COL20A1: variants seen among roughly 807,000 people sequenced by gnomAD.
COL20A1 encodes the protein collagen alpha-1(XX) chain.
Under a neutral mutation model 152.9 loss-of-function variants are expected in COL20A1, and 164 were observed. That is an observed-to-expected ratio of 1.07 (90% confidence interval 0.94 to 1.22). The LOEUF (loss-of-function observed/expected upper bound fraction) is 1.22, where lower values mean the gene tolerates loss of function less well. COL20A1 is among the 50% of genes most tolerant of loss of function. The pLI, the probability that COL20A1 is intolerant of heterozygous loss-of-function variation, is 0.00. For synonymous variants in COL20A1, 864 were observed against 756.0 expected (o/e 1.14, Z -2.34); for missense variants, 1,873 against 1,744.8 (o/e 1.07, Z -1.31).
intron 30 of COL20A1, 55 bp from the exon 31 acceptor site, chr20:63,326,697 T>C: frequency 1.6e-6 from 2 of 1,237,026 alleles, no homozygotes. Flanking sequence ...AGGGCTGAAG[T>C]GGGAGCAGAT....
Position 63,313,008 on chromosome 20 carries a change from C to T in COL20A1, c.2076+74C>T. Reference sequence around the variant, plus strand: ...AGTCCTGAAGCCAAAGTCTAGGGCTCAGAGCCATATGTGCGCCCACCCTGT... The same window carrying T: ...AGTCCTGAAGCCAAAGTCTAGGGCTTAGAGCCATATGTGCGCCCACCCTGT... On this transcript the variant is annotated intron_variant, in intron 16 of 35. Coordinates refer to ENST00000358894, the MANE Select transcript of COL20A1 (RefSeq NM_020882.4). This position sits in a 1 kb window ranked among gnomAD's most constrained non-coding sequence, Gnocchi z 5.9. 1 of 1,537,954 alleles carries T rather than the reference C, an allele frequency of 6.5e-7. No homozygotes were observed. The highest frequency in any genetic ancestry group is 8.8e-7 in the Non-Finnish European group (1 of 1,137,748).
At position 63,319,113 on chromosome 20, in the gene COL20A1, C is replaced by T. The variant is rs780305895; in HGVS notation, c.2719C>T (p.Leu907=). The T allele has an allele frequency of 2.5e-6, 4 of 1,613,244 alleles. No homozygotes were observed. The Admixed American group carries it at 5.0e-5, about 20-fold the overall frequency. The change falls in exon 22 of 36, where the codon CTA becomes TTA. Residue 907 remains leucine, a synonymous_variant. Coordinates refer to ENST00000358894, the MANE Select transcript of COL20A1 (RefSeq NM_020882.4). The surrounding 1 kb of genome is among the most constrained non-coding windows in gnomAD (Gnocchi z 4.4). ...PEHTIVFLVR[L]LPETPREAFA... Reference sequence around the variant, plus strand: ...GCACACCATCGTCTTCCTTGTGCGCCTACTTCCCGAGACACCCCGTGAGGC... The same window carrying T: ...GCACACCATCGTCTTCCTTGTGCGCTTACTTCCCGAGACACCCCGTGAGGC...
chr20:63,297,527 G>A lies in COL20A1; in HGVS notation c.83-383G>A, dbSNP rs189846022. Among the ~76,000 whole-genome samples the A allele has an allele frequency of 7.7e-3, 1,178 of 152,284 alleles. 9 individuals carry two copies. The highest frequency in any genetic ancestry group is 0.013 in the Non-Finnish European group (866 of 67,994). On this transcript the variant is annotated intron_variant, in intron 2 of 35. Transcript: ENST00000358894. ...GGTTGCCAGCTGCTGTGTTGGCTCG[G>A]GGCCTCCGATCATCAGTGGGGTGGT...
At chr20:63,312,330 C>A in intron 14 of COL20A1, 90 bp from the exon 15 acceptor site, 1 of 1,382,574 alleles carries the variant, frequency 7.2e-7, no homozygotes, top group Non-Finnish European at 9.5e-7. Context: ...TGGGGTAGTC[C>A]TGGCTGCAGG....
Position 63,312,528 on chromosome 20 carries a change from C to A in COL20A1, c.1912C>A (p.Leu638Met), listed in dbSNP as rs2068022974. 6.3e-7 allele frequency: 1 copy of A among 1,597,790 alleles called. No homozygotes were observed. Among genetic ancestry groups the A allele is most frequent in the Non-Finnish European group, 8.5e-7 (1 of 1,174,608 alleles). Residue 638 changes from leucine (L) to methionine (M), a missense_variant, in exon 15 of 36, where the codon CTG (leucine) becomes ATG (methionine). Leu to Met is a conservative substitution (Grantham distance 15). Coordinates refer to ENST00000358894, the MANE Select transcript of COL20A1 (RefSeq NM_020882.4). ...CTACCCTGGGGGTGGCTCCTCTACG[C>A]TGACTGGCCGGGTGACCACCAGTGA... ...CLYPGGGSST[L>M]TGRVTTKKAP...
Position 63,319,338 on chromosome 20 carries a change from C to A in COL20A1, c.2806+138C>A. 8.8e-7 allele frequency: 1 copy of A among 1,132,190 alleles called. No individual in the cohort carries two copies. The highest frequency in any genetic ancestry group is 1.2e-6 in the Non-Finnish European group (1 of 803,578). 70.1% of individuals were successfully genotyped at this position (1,132,190 alleles called of 1,614,324 possible). On this transcript the variant is annotated intron_variant, in intron 22 of 35. Coordinates refer to ENST00000358894, the MANE Select transcript of COL20A1 (RefSeq NM_020882.4). This position sits in a 1 kb window ranked among gnomAD's most constrained non-coding sequence, Gnocchi z 4.4. The stretch of plus-strand genomic sequence containing the variant: ...CCCTCTGGGTGGGAGGCAGGTGTCC[C>A]GGGCAGGGGGCTGTGGGCCACATTG...
Position 63,308,668 on chromosome 20 carries a change from G to A in COL20A1, c.902G>A (p.Arg301His), listed in dbSNP as rs374662658. ...CAGGACGATGTGCACACTGCTGCCC[G>A]TGTCCTCAAGGACCTGGGCGTGAAC... ...KSQDDVHTAA[R>H]VLKDLGVNVF... The change falls in exon 8 of 36, where the codon CGT becomes CAT. Residue 301 changes from arginine (R) to histidine (H), a missense_variant. Arg to His is a conservative substitution (Grantham distance 29, BLOSUM62 0). Transcript: ENST00000358894. 263 of 1,606,870 alleles carry A rather than the reference G, an allele frequency of 1.6e-4. No individual in the cohort carries two copies. The highest frequency in any genetic ancestry group is 1.9e-4 in the Non-Finnish European group (221 of 1,177,134).
In COL20A1 at chr20:63,328,345, T is replaced by C; in HGVS notation, c.3628T>C (p.Phe1210Leu). ...LVSQASHVSK[F>L]DSFHENTRPP... ...CCTCCCCACAGCACACGTGTCAAAG[T>C]TCGACTCCTTCCACGAGAACACCAG... is the stretch of plus-strand genomic sequence containing the variant. The change falls in exon 34 of 36, where the codon TTC (phenylalanine) becomes CTC (leucine). Residue 1210 changes from phenylalanine (F) to leucine (L), a missense_variant. Transcript: ENST00000358894. The C allele has an allele frequency of 1.2e-6, 2 of 1,612,174 alleles. No homozygotes were observed. Among genetic ancestry groups the C allele is most frequent in the Non-Finnish European group, 8.5e-7 (1 of 1,179,334 alleles).
chr20:63,325,010 G>C, intron 27 of COL20A1: 2 of 306,688 alleles, frequency 6.5e-6, no homozygotes, highest in South Asian at 5.0e-5. Flanking sequence ...CTGGGGGTGA[G>C]GTTGGTTGGA....
intron 14 of COL20A1, 27 bp downstream of exon 14, chr20:63,312,082 G>C: frequency 6.5e-7 from 1 of 1,527,362 alleles, no homozygotes; most frequent in African/African-American, 1.4e-5. Flanking sequence ...CCGGGGGCCC[G>C]AGTGTCTTGA....
chr20:63,295,840 C>T (rs1236013066), intron 2 of COL20A1, among the ~76,000 whole-genome samples: 2 of 152,280 alleles, frequency 1.3e-5, no homozygotes, highest in Admixed American at 1.3e-4. Flanking sequence ...ATGGAGAAGG[C>T]TCCGGGGCCT....
intron 25 of COL20A1, 99 bp from the exon 26 acceptor site, chr20:63,320,914 C>A: frequency 1.1e-6 from 1 of 914,712 alleles, no homozygotes; most frequent in Non-Finnish European, 1.7e-6. Context: ...GTCTGGAAGT[C>A]TCCCTGGAGC....
intron 20 of COL20A1, among the ~76,000 whole-genome samples, chr20:63,316,153 C>T (rs980224793): frequency 3.7e-5 from 5 of 135,222 alleles, no homozygotes; most frequent in Admixed American, 3.7e-4. Flanking sequence ...CCTGGGCGGG[C>T]GGGGGACGCG....
chr20:63,307,057 C>T (rs1365808132), intron 5 of COL20A1, among the ~76,000 whole-genome samples: 1 of 152,244 alleles, frequency 6.6e-6, no homozygotes, highest in Admixed American at 6.5e-5. Context: ...CTGGGGCCCG[C>T]CTCACCAGGC....
Position 63,312,552 on chromosome 20 carries a change from G to A in COL20A1, c.1933+3G>A. ...GCTGACTGGCCGGGTGACCACCAGT[G>A]AGTGGGGAGAGGCTGGGGCTGGGGG... On this transcript the variant is annotated splice_donor_region_variant and intron_variant, in intron 15 of 35. Transcript: ENST00000358894. 6.4e-7 allele frequency: 1 copy of A among 1,566,904 alleles called. No homozygotes were observed. The highest frequency in any genetic ancestry group is 8.6e-7 in the Non-Finnish European group (1 of 1,162,022).
intron 21 of COL20A1, 105 bp downstream of exon 21, chr20:63,316,796 G>T: frequency 1.9e-5 from 22 of 1,182,342 alleles, no homozygotes; most frequent in Non-Finnish European, 2.4e-5. Context: ...CCTCCTGGAG[G>T]CTGTGGGACA....
At chr20:63,301,775 T>A (rs1374309798) in intron 3 of COL20A1, among the ~76,000 whole-genome samples, 1 of 152,236 alleles carries the variant, frequency 6.6e-6, no homozygotes, top group Non-Finnish European at 1.5e-5. Flanking sequence ...TTACTGTTAA[T>A]CTTTCTCCAG....
chr20:63,316,403 C>G, intron 20 of COL20A1, 150 bp from the exon 21 acceptor site: 1 of 290,156 alleles, frequency 3.4e-6, no homozygotes, highest in Non-Finnish European at 6.3e-6. Context: ...AGCCCCTGTG[C>G]TGACTTCCCA....
In COL20A1 at chr20:63,313,992, AC is replaced by A. The variant is rs1431434166; in HGVS notation, c.2359-79del. 6 of 1,603,292 alleles carry A rather than the reference AC, an allele frequency of 3.7e-6. No homozygotes were observed. The highest frequency in any genetic ancestry group is 5.1e-6 in the Non-Finnish European group (6 of 1,174,900). The stretch of plus-strand genomic sequence containing the variant: ...AGGGTGGCAGCTCTGCCATGGCGGG[AC>A]GCAGAGGGAGGCAGCTGAGCCGCGT... On this transcript the variant is annotated intron_variant, in intron 18 of 35. Transcript: ENST00000358894. The surrounding 1 kb of genome is among the most constrained non-coding windows in gnomAD (Gnocchi z 5.9).
Sources: allele counts gnomAD v4.1 joint callset (sites outside exome capture counted in the v4.1 genomes callset), GRCh38; gene constraint gnomAD v4.1.1; non-coding constraint Gnocchi (gnomAD v3.1); transcripts MANE v1.5; gene names NCBI Gene and HGNC (gene_info 2026-07-23, HGNC 2026-07-21).